DNAH7: variants seen among roughly 807,000 people sequenced by gnomAD.
The protein encoded by DNAH7 is dynein axonemal heavy chain 7.
DNAH7 carries 397 observed loss-of-function variants against 444.6 expected under a neutral mutation model. The observed-to-expected ratio is 0.89, with a 90% CI of 0.82 to 0.97. The LOEUF (loss-of-function observed/expected upper bound fraction) is 0.97. Among genes scored for constraint, DNAH7 ranks in the 50% least tolerant of loss-of-function variants. The pLI is 0.00. For missense variants in DNAH7, 4,902 were observed against 4,800.8 expected, an observed-to-expected ratio of 1.02 and a Z score of -0.62; for synonymous variants, 1,636 against 1,624.4, an observed-to-expected ratio of 1.01 and a Z score of -0.17.
Position 195,926,545 on chromosome 2 carries a change from C to A in DNAH7, c.3493G>T (p.Ala1165Ser). 1 of 1,599,262 alleles carries A rather than the reference C, an allele frequency of 6.3e-7. No homozygotes were observed. The highest frequency in any genetic ancestry group is 8.5e-7 in the Non-Finnish European group (1 of 1,174,516). ...TTAATTCGTTCATATTTTGTATAGG[C>A]AAAAGTTGCATCTCCAGTTACCTAA... Reference protein sequence around the residue: ...IHKVTGDATFAYTKYERINWV... With the variant: ...IHKVTGDATFSYTKYERINWV... The change falls in exon 22 of 65, where the codon GCC becomes TCC. Residue 1165 changes from alanine (A) to serine (S), a missense_variant. By Grantham distance (99) the Ala-to-Ser change is moderately conservative. Coordinates refer to ENST00000312428, the MANE Select transcript of DNAH7 (RefSeq NM_018897.3).
intron 58 of DNAH7, among the ~76,000 whole-genome samples, chr2:195,783,859 C>A (rs924193166): frequency 5.3e-5 from 8 of 152,158 alleles, no homozygotes; most frequent in African/African-American, 1.9e-4. Flanking sequence ...AATTAGTTGG[C>A]ATGGCATAAC....
chr2:195,776,657 T>C (rs1336729816), intron 59 of DNAH7, among the ~76,000 whole-genome samples: 2 of 152,104 alleles, frequency 1.3e-5, no homozygotes, highest in Non-Finnish European at 2.9e-5. Flanking sequence ...GATTATTCTG[T>C]TTACTCTTAC....
chr2:196,028,359 C>T (rs1695821573), intron 5 of DNAH7, among the ~76,000 whole-genome samples: 1 of 152,144 alleles, frequency 6.6e-6, no homozygotes, highest in African/African-American at 2.4e-5. Flanking sequence ...TATAAAGGAA[C>T]ACTCTTGCAT....
chr2:195,995,470 C>T (rs1693638300), intron 12 of DNAH7: 3 of 356,414 alleles, frequency 8.4e-6, no homozygotes, highest in Non-Finnish European at 1.7e-5. Context: ...CTTCTTTTGC[C>T]CTCAGGGGTT....
intron 51 of DNAH7, among the ~76,000 whole-genome samples, chr2:195,810,840 C>T (rs757056586): frequency 3.3e-5 from 5 of 151,966 alleles, no homozygotes; most frequent in African/African-American, 4.8e-5. Context: ...TATTTCTGTC[C>T]CCATTATTAT....
intron 15 of DNAH7, among the ~76,000 whole-genome samples, chr2:195,979,225 CCAAAA>C (rs1221781049): frequency 6.6e-6 from 1 of 152,028 alleles, no homozygotes; most frequent in Admixed American, 6.6e-5. Context: ...ATATTAGATG[CCAAAA>C]CAAATCTTAA....
chr2:196,036,428 C>A (rs1286049708), intron 5 of DNAH7, among the ~76,000 whole-genome samples: 1 of 152,122 alleles, frequency 6.6e-6, no homozygotes, highest in African/African-American at 2.4e-5. Flanking sequence ...TGCCACATCA[C>A]CAGCACCCAA....
rs1257815198 is a variant in DNAH7, at chr2:195,777,871, G to C, written c.10993C>G (p.Pro3665Ala). 6.2e-7 allele frequency: 1 copy of C among 1,614,116 alleles called. No individual in the cohort carries two copies. Among genetic ancestry groups the C allele is most frequent in the Non-Finnish European group, 8.5e-7 (1 of 1,179,978 alleles). ...LRSILNKFFN[P>A]ELVENSDYKF... ...TAGTCTGAATTTTCAACTAATTCGG[G>C]ATTGAAGAATTTGTTTAGAATGCTG... The change falls in exon 59 of 65, where the codon CCC becomes GCC. Residue 3665 changes from proline (P) to alanine (A), a missense_variant. Pro to Ala is a conservative substitution (Grantham distance 27, BLOSUM62 -1). Transcript: ENST00000312428.
chr2:195,769,640 G>A (rs771386510), intron 61 of DNAH7, among the ~76,000 whole-genome samples: 2 of 151,768 alleles, frequency 1.3e-5, no homozygotes, highest in South Asian at 2.1e-4. Flanking sequence ...CTCCTCTCAC[G>A]GCTGCCTGGA....
rs745997776 is a variant in DNAH7, at chr2:195,864,422, A to G, written c.7233T>C (p.Asp2411=). 2 of 1,614,204 alleles carry G rather than the reference A, an allele frequency of 1.2e-6. No individual in the cohort carries two copies. The highest frequency in any genetic ancestry group is 1.7e-6 in the Non-Finnish European group (2 of 1,180,034). The part of the protein sequence containing the change: ...TQIKEESFLE[D]VSNLLNAGEI... ...CCCCAGCATTTAGCAGATTACTGAC[A>G]TCTTCCAGAAAAGACTCTTCTTTAA... Residue 2411 remains aspartate, a synonymous_variant, in exon 41 of 65, where the codon GAT becomes GAC. Transcript: ENST00000312428.
In DNAH7 at chr2:195,809,728, A is replaced by G. The variant is rs1482089887; in HGVS notation, c.9888+17T>C. ...GTTATTAAGGGTTTTTTTCTTACAA[A>G]TGAAAACAGTACTGACCGCCCGCTC... On this transcript the variant is annotated intron_variant, in intron 52 of 64. Transcript: ENST00000312428. 6.6e-7 allele frequency: 1 copy of G among 1,520,440 alleles called. No homozygotes were observed. The allele number at this position is 1,520,440 out of a possible 1,614,324, so 94.2% of individuals were successfully genotyped here. A position where few individuals can be genotyped will look rare whatever the true frequency, so the allele number is the denominator to read the frequency against.
chr2:195,747,755 T>C (rs1693516932), intron 63 of DNAH7, among the ~76,000 whole-genome samples: 1 of 152,160 alleles, frequency 6.6e-6, no homozygotes, highest in African/African-American at 2.4e-5. Context: ...TCTCAATAGA[T>C]GCAGAAAAGG....
intron 49 of DNAH7, among the ~76,000 whole-genome samples, chr2:195,818,134 C>T (rs1210916246): frequency 6.6e-6 from 1 of 152,176 alleles, no homozygotes; most frequent in Non-Finnish European, 1.5e-5. Context: ...TCATTAGAAT[C>T]AGGTTGGAAG....
chr2:195,753,368 T>C (rs1315810519), intron 63 of DNAH7, among the ~76,000 whole-genome samples: 1 of 152,130 alleles, frequency 6.6e-6, no homozygotes, highest in East Asian at 1.9e-4. Flanking sequence ...ATCTTGAGAT[T>C]TGTGACCATC....
At chr2:195,851,445 T>C (rs1301121830) in intron 46 of DNAH7, among the ~76,000 whole-genome samples, 1 of 152,170 alleles carries the variant, frequency 6.6e-6, no homozygotes, top group Admixed American at 6.5e-5. Context: ...AGTGAATGAG[T>C]TCACAGAAGG....
intron 61 of DNAH7, among the ~76,000 whole-genome samples, chr2:195,756,804 C>A (rs892938141): frequency 9.2e-5 from 14 of 152,068 alleles, no homozygotes; most frequent in Non-Finnish European, 1.9e-4. Flanking sequence ...CTAGACTGGG[C>A]CACATGGCGA....
At position 195,875,851 on chromosome 2, in the gene DNAH7, TGAGAA is replaced by T. The variant is rs756585595; in HGVS notation, c.6118-13_6118-9del. ...ATCATCTACAAAGACAACCTGAGAA[TGAGAA>T]GAGAAGAGGTACAGAAAATATTAAC... is the stretch of plus-strand genomic sequence containing the variant. On this transcript the variant is annotated splice_polypyrimidine_tract_variant and intron_variant, in intron 37 of 64. Coordinates refer to ENST00000312428, the MANE Select transcript of DNAH7 (RefSeq NM_018897.3). 1.9e-5 allele frequency: 31 copies of T among 1,595,296 alleles called. No homozygotes were observed. Among genetic ancestry groups the T allele is most frequent in the Middle Eastern group, 1.7e-4 (1 of 5,954 alleles).
At position 195,927,871 on chromosome 2, in the gene DNAH7, A is replaced by G. The variant is rs373401584; in HGVS notation, c.3472-1305T>C. Among the ~76,000 whole-genome samples the G allele has an allele frequency of 2.0e-5, 3 of 152,240 alleles. No individual in the cohort carries two copies. In the East Asian group the frequency reaches 5.8e-4, roughly 29 times the overall value. On this transcript the variant is annotated intron_variant, in intron 21 of 64. Transcript: ENST00000312428. ...AACTGTATACTGCACTTGCTTGGAT[A>G]TTTTGTCAACACAAACTTATACAGG...
chr2:196,017,572 A>G (rs1695110847), intron 9 of DNAH7, among the ~76,000 whole-genome samples: 1 of 152,022 alleles, frequency 6.6e-6, no homozygotes, highest in Non-Finnish European at 1.5e-5. Context: ...CTGTACTTGT[A>G]CGGAAAGAGA....
Sources: gnomAD v4.1 joint callset for allele counts (sites outside exome capture counted in the v4.1 genomes callset) on GRCh38, gnomAD v4.1.1 for gene constraint, MANE v1.5 for transcripts, NCBI Gene and HGNC (gene_info 2026-07-23, HGNC 2026-07-21) for gene names.